ZDHHC17: variants seen among roughly 807,000 people sequenced by gnomAD.
The protein encoded by ZDHHC17 is zDHHC palmitoyltransferase 17, also known as palmitoyltransferase ZDHHC17.
Under a neutral mutation model 90.3 loss-of-function variants are expected in ZDHHC17, and 40 were observed. That is an observed-to-expected ratio of 0.44 (90% CI 0.34 to 0.58). ZDHHC17 has a LOEUF of 0.58. Among genes scored for constraint, ZDHHC17 ranks in the 20% least tolerant of loss-of-function variants. ZDHHC17 has a pLI of 0.01. For missense variants in ZDHHC17, 614 were observed against 780.8 expected (o/e 0.79, Z 2.55); for synonymous variants, 235 against 252.4 (o/e 0.93, Z 0.65).
intron 10 of ZDHHC17, among the ~76,000 whole-genome samples, chr12:76,834,671 A>G (rs1269469396): frequency 2.0e-5 from 3 of 152,148 alleles, no homozygotes; most frequent in African/African-American, 7.2e-5. Context: ...AGTTTCTCTG[A>G]GGTTATTAAA....
chr12:76,841,456 T>G (rs984381185), intron 10 of ZDHHC17, among the ~76,000 whole-genome samples: 5 of 152,162 alleles, frequency 3.3e-5, no homozygotes, highest in African/African-American at 1.2e-4. Flanking sequence ...AAATGCCTAG[T>G]ATATTTCTTA....
Position 76,845,815 on chromosome 12 carries a change from A to C in ZDHHC17, c.1423+13A>C. On this transcript the variant is annotated intron_variant, in intron 13 of 16. Transcript: ENST00000426126. ...GGTAACTGTGTAGGTAAGTTGTATT[A>C]GTAATTTCTTCTGTATCATTCATTT... is the stretch of plus-strand genomic sequence containing the variant. The C allele has an allele frequency of 6.9e-7, 1 of 1,439,758 alleles. No individual in the cohort carries two copies. 89.2% of individuals were successfully genotyped at this position (1,439,758 alleles called of 1,614,324 possible). A position where few individuals can be genotyped will look rare whatever the true frequency, so the allele number is the denominator to read the frequency against.
chr12:76,804,079 C>A (rs1952925667), intron 2 of ZDHHC17, among the ~76,000 whole-genome samples: 1 of 152,184 alleles, frequency 6.6e-6, no homozygotes, highest in Non-Finnish European at 1.5e-5. Context: ...TTTGACAACT[C>A]TAGCTAGTGA....
At chr12:76,798,365 T>A (rs1357264487) in intron 2 of ZDHHC17, among the ~76,000 whole-genome samples, 3 of 152,136 alleles carry the variant, frequency 2.0e-5, no homozygotes, top group Non-Finnish European at 4.4e-5. Context: ...ACAACAGTTA[T>A]TTTCATCTGC....
chr12:76,831,668 A>G (rs1210774089), intron 10 of ZDHHC17, among the ~76,000 whole-genome samples: 3 of 151,994 alleles, frequency 2.0e-5, no homozygotes, highest in African/African-American at 7.2e-5. Flanking sequence ...TTTTTGAGAC[A>G]TCGTCTCACT....
At chr12:76,831,420 G>A (rs1440677429) in intron 10 of ZDHHC17, among the ~76,000 whole-genome samples, 2 of 152,032 alleles carry the variant, frequency 1.3e-5, no homozygotes, top group East Asian at 1.9e-4. Context: ...GCATGATCTT[G>A]GCTCACTGCA....
rs1217222015 is a variant in ZDHHC17, at chr12:76,848,269, A to G, written c.1544A>G (p.Asp515Gly). ...CACTGTGAGACCACTTACACCAAGG[A>G]TGGATTTTGGACATACATTACTCAG... Reference protein sequence around the residue: ...GLHCETTYTKDGFWTYITQIA... With the variant: ...GLHCETTYTKGGFWTYITQIA... The change falls in exon 15 of 17, where the codon GAT becomes GGT. Residue 515 changes from aspartate to glycine, a missense_variant. By Grantham distance (94) the Asp-to-Gly change is moderately conservative. Coordinates refer to ENST00000426126, the MANE Select transcript of ZDHHC17 (RefSeq NM_015336.4). 3.1e-6 allele frequency: 5 copies of G among 1,613,782 alleles called. No individual in the cohort carries two copies. The highest frequency in any genetic ancestry group is 2.7e-5 in the African/African-American group (2 of 74,900).
At chr12:76,850,366 C>G (rs999952441) in intron 16 of ZDHHC17, among the ~76,000 whole-genome samples, 4 of 151,742 alleles carry the variant, frequency 2.6e-5, no homozygotes, top group Non-Finnish European at 5.9e-5. Context: ...TACTTTTTTT[C>G]TGTTTTAGAG....
intron 1 of ZDHHC17, among the ~76,000 whole-genome samples, chr12:76,797,059 T>A (rs1183187368): frequency 6.6e-6 from 1 of 151,974 alleles, no homozygotes; most frequent in Non-Finnish European, 1.5e-5. Context: ...GGTCAGGAGA[T>A]GGAGACCATC....
At chr12:76,786,670 T>A (rs900412797) in intron 1 of ZDHHC17, among the ~76,000 whole-genome samples, 11 of 152,190 alleles carry the variant, frequency 7.2e-5, no homozygotes, top group African/African-American at 2.7e-4. Context: ...ATTATAGGTA[T>A]GCACCACTGC....
intron 1 of ZDHHC17, among the ~76,000 whole-genome samples, chr12:76,795,776 C>T (rs2137743613): frequency 6.6e-6 from 1 of 152,248 alleles, no homozygotes; most frequent in East Asian, 1.9e-4. Flanking sequence ...AAATACTAAA[C>T]CTACTCAAGC....
At chr12:76,822,148 T>G (rs932055422) in intron 7 of ZDHHC17, among the ~76,000 whole-genome samples, 3 of 152,240 alleles carry the variant, frequency 2.0e-5, no homozygotes, top group African/African-American at 7.2e-5. Flanking sequence ...ATACCTACTT[T>G]TTGATTTGCT....
intron 7 of ZDHHC17, among the ~76,000 whole-genome samples, chr12:76,821,417 T>G (rs1290888749): frequency 1.3e-5 from 2 of 152,052 alleles, no homozygotes; most frequent in African/African-American, 4.8e-5. Flanking sequence ...TTTTATAATA[T>G]TAAATAAACT....
intron 10 of ZDHHC17, among the ~76,000 whole-genome samples, chr12:76,834,771 T>A (rs1442416224): frequency 6.6e-6 from 1 of 152,202 alleles, no homozygotes. Flanking sequence ...TCTTTTTCCC[T>A]CCATTAGAGA....
At chr12:76,829,455 C>CACA (rs1953271357) in intron 10 of ZDHHC17, among the ~76,000 whole-genome samples, 1 of 71,904 alleles carries the variant, frequency 1.4e-5, no homozygotes, top group Non-Finnish European at 2.4e-5. Context: ...GACTATGTCT[C>CACA]AAAAAAAAAA....
At chr12:76,788,722 G>C (rs1229967571) in intron 1 of ZDHHC17, among the ~76,000 whole-genome samples, 3 of 47,010 alleles carry the variant, frequency 6.4e-5, no homozygotes, top group East Asian at 1.4e-3. Flanking sequence ...TTTGAGCAGA[G>C]TTTCGCTCTT....
chr12:76,775,980 C>G (rs1952554338), intron 1 of ZDHHC17, among the ~76,000 whole-genome samples: 1 of 151,964 alleles, frequency 6.6e-6, no homozygotes, highest in African/African-American at 2.4e-5. Context: ...ATGTAAATAG[C>G]CAGAATCTTC....
At chr12:76,772,925 T>C (rs1253721551) in intron 1 of ZDHHC17, among the ~76,000 whole-genome samples, 2 of 151,410 alleles carry the variant, frequency 1.3e-5, no homozygotes, top group African/African-American at 4.9e-5. Flanking sequence ...GGCGTGATTC[T>C]TGGCTCACTG....
intron 2 of ZDHHC17, among the ~76,000 whole-genome samples, chr12:76,803,525 C>T (rs530391429): frequency 3.9e-5 from 6 of 152,102 alleles, no homozygotes; most frequent in African/African-American, 1.4e-4. Flanking sequence ...CTCCATATAC[C>T]CTGGGCTGAT....
Sources: allele counts gnomAD v4.1 joint callset (sites outside exome capture counted in the v4.1 genomes callset), GRCh38; gene constraint gnomAD v4.1.1; transcripts MANE v1.5; gene names NCBI Gene and HGNC (gene_info 2026-07-23, HGNC 2026-07-21).